ZNF407: variants seen among roughly 807,000 people sequenced by gnomAD.
ZNF407 encodes the protein zinc finger protein 407.
A neutral mutation model predicts 131.2 loss-of-function variants in ZNF407; 17 were observed. That is an observed-to-expected ratio of 0.13 (90% CI 0.09 to 0.19). The LOEUF (loss-of-function observed/expected upper bound fraction) is 0.19, where lower values mean the gene tolerates loss of function less well. ZNF407 is among the 10% of genes least tolerant of loss of function. The probability of loss-of-function intolerance (pLI) is 1.00; values close to 1 mark genes in which losing one functional copy is unlikely to be tolerated. For synonymous variants in ZNF407, 1,156 were observed against 1,062.0 expected (o/e 1.09, Z -1.72); for missense variants, 2,681 against 2,830.6 (o/e 0.95, Z 1.20).
chr18:74,605,262 T>A (rs1311540222), intron 1 of ZNF407, among the ~76,000 whole-genome samples: 2 of 152,228 alleles, frequency 1.3e-5, no homozygotes, highest in Admixed American at 1.3e-4. Flanking sequence ...CCTAATCTTA[T>A]AAGGACTGGG....
At chr18:74,919,921 G>A (rs368846685) in intron 7 of ZNF407, among the ~76,000 whole-genome samples, 21 of 152,232 alleles carry the variant, frequency 1.4e-4, no homozygotes, top group African/African-American at 2.4e-4. Context: ...TGGGCCCTCC[G>A]TTGCATTTTC....
chr18:74,664,968 C>G (rs917269951), intron 3 of ZNF407, among the ~76,000 whole-genome samples: 1 of 152,202 alleles, frequency 6.6e-6, no homozygotes, highest in African/African-American at 2.4e-5. Flanking sequence ...CTGCCAATTT[C>G]ATGTAATTAT....
In ZNF407 at chr18:74,945,908, C is replaced by T. The variant is rs556540562; in HGVS notation, c.5428+25216C>T. Among the ~76,000 whole-genome samples the T allele has an allele frequency of 5.9e-5, 9 of 152,244 alleles. 1 individual carries two copies. Among genetic ancestry groups the T allele is most frequent in the African/African-American group, 7.2e-5 (3 of 41,542 alleles). On this transcript the variant is annotated intron_variant, in intron 8 of 8. Transcript: ENST00000299687. ...TGTCATAACCTCAAAGCTGTCTCCCCGACATCTTCACTGATCACCCTTAAA... is the reference window on the plus strand; with the variant it reads ...TGTCATAACCTCAAAGCTGTCTCCCTGACATCTTCACTGATCACCCTTAAA...
chr18:74,599,383 G>T (rs1982475544), intron 1 of ZNF407, among the ~76,000 whole-genome samples: 2 of 152,128 alleles, frequency 1.3e-5, no homozygotes, highest in Non-Finnish European at 2.9e-5. Context: ...AGTTCCATTG[G>T]TACCTTTTAA....
intron 8 of ZNF407, among the ~76,000 whole-genome samples, chr18:74,960,777 G>A (rs1232769209): frequency 6.9e-6 from 1 of 145,580 alleles, no homozygotes; most frequent in Admixed American, 6.8e-5. Flanking sequence ...TGCATGGAGG[G>A]ATAGGAGAAG....
intron 8 of ZNF407, among the ~76,000 whole-genome samples, chr18:74,983,494 G>A (rs1178686721): frequency 2.8e-5 from 4 of 141,118 alleles, no homozygotes; most frequent in African/African-American, 8.4e-5. Flanking sequence ...TGTTTGCTCA[G>A]TTCCTAAGGC....
intron 5 of ZNF407, among the ~76,000 whole-genome samples, chr18:74,880,376 T>C (rs1421633642): frequency 6.6e-6 from 1 of 152,258 alleles, no homozygotes; most frequent in East Asian, 1.9e-4. Context: ...TAAAGATGAA[T>C]AGTATGAATT....
chr18:74,741,965 G>A (rs1318767283), intron 3 of ZNF407, among the ~76,000 whole-genome samples: 1 of 152,156 alleles, frequency 6.6e-6, no homozygotes, highest in Non-Finnish European at 1.5e-5. Flanking sequence ...TGTGGTTCTT[G>A]CCTAGAATTT....
At chr18:74,885,108 A>G (rs904850919) in intron 6 of ZNF407, among the ~76,000 whole-genome samples, 26 of 152,168 alleles carry the variant, frequency 1.7e-4, no homozygotes, top group African/African-American at 5.8e-4. Context: ...TAGACTTATT[A>G]TATTGAAAGT....
intron 3 of ZNF407, among the ~76,000 whole-genome samples, chr18:74,720,577 A>T (rs1336118283): frequency 1.3e-5 from 2 of 151,804 alleles, no homozygotes; most frequent in Non-Finnish European, 2.9e-5. Flanking sequence ...ATTTTCTCAG[A>T]CCAATGTCCT....
chr18:74,612,359 T>C (rs560239270), intron 1 of ZNF407, among the ~76,000 whole-genome samples: 6 of 152,302 alleles, frequency 3.9e-5, no homozygotes, highest in Admixed American at 1.3e-4. Context: ...TTATCTGCAC[T>C]CAGGATTTTG....
chr18:75,033,075 TAA>T (rs1973263631), intron 8 of ZNF407, among the ~76,000 whole-genome samples: 1 of 119,462 alleles, frequency 8.4e-6, no homozygotes, highest in African/African-American at 3.4e-5. Flanking sequence ...ATTAGATAAC[TAA>T]GAGTGCTCGG....
intron 8 of ZNF407, among the ~76,000 whole-genome samples, chr18:75,044,826 A>G (rs1034956558): frequency 2.6e-5 from 4 of 152,230 alleles, no homozygotes; most frequent in African/African-American, 9.6e-5. Context: ...CTTTTCTGCT[A>G]AAGACCACCA....
At chr18:74,939,704 T>G (rs1429086754) in intron 8 of ZNF407, among the ~76,000 whole-genome samples, 1 of 152,216 alleles carries the variant, frequency 6.6e-6, no homozygotes, top group Non-Finnish European at 1.5e-5. Context: ...AAGTGCAAGC[T>G]TTTCTATATC....
chr18:74,853,226 A>G (rs146807337), intron 4 of ZNF407, among the ~76,000 whole-genome samples: 131 of 152,322 alleles, frequency 8.6e-4, no homozygotes, highest in Non-Finnish European at 8.7e-4. Context: ...TCTTTGTATC[A>G]TTTCATAAAT....
chr18:75,022,572 A>G (rs1281286903), intron 8 of ZNF407, among the ~76,000 whole-genome samples: 1 of 152,216 alleles, frequency 6.6e-6, no homozygotes, highest in Non-Finnish European at 1.5e-5. Context: ...TACGAGTGAA[A>G]TAATGCATGT....
intron 8 of ZNF407, among the ~76,000 whole-genome samples, chr18:74,997,008 G>A (rs193168044): frequency 6.6e-6 from 1 of 152,192 alleles, no homozygotes; most frequent in Non-Finnish European, 1.5e-5. Flanking sequence ...TTGTTATTTT[G>A]TGTTACAAAT....
chr18:75,055,450 C>T (rs1973551032), intron 8 of ZNF407, among the ~76,000 whole-genome samples: 1 of 152,234 alleles, frequency 6.6e-6, no homozygotes, highest in Admixed American at 6.5e-5. Context: ...TTAAAGCACG[C>T]ATTCTCATCT....
rs747744842 is a variant in ZNF407 at position 74,633,840 on chromosome 18, A to G, written c.2821A>G (p.Met941Val). The change falls in exon 2 of 9, where the codon ATG (methionine) becomes GTG (valine). Residue 941 changes from methionine (M) to valine (V), a missense_variant. Physicochemically the swap from Met to Val is conservative, Grantham distance 21 (BLOSUM62 1). Transcript: ENST00000299687. Reference sequence around the variant, plus strand: ...AAAGAATGCTGGCTCAGCAGTGACCATGTCAGATGAACATGCTAACAAACC... The same window carrying G: ...AAAGAATGCTGGCTCAGCAGTGACCGTGTCAGATGAACATGCTAACAAACC... ...GKKNAGSAVT[M>V]SDEHANKPAE... 12 of 1,614,002 alleles carry G rather than the reference A, an allele frequency of 7.4e-6. 1 individual carries two copies. Among genetic ancestry groups the G allele is most frequent in the Middle Eastern group, 3.3e-4 (2 of 6,062 alleles).
Sources: allele counts gnomAD v4.1 joint callset (sites outside exome capture counted in the v4.1 genomes callset), GRCh38; gene constraint gnomAD v4.1.1; transcripts MANE v1.5; gene names NCBI Gene and HGNC (gene_info 2026-07-23, HGNC 2026-07-21).